CTNNA3: variants seen among roughly 807,000 people sequenced by gnomAD.
CTNNA3 encodes the protein catenin alpha 3.
Under a neutral mutation model 95.7 loss-of-function variants are expected in CTNNA3, and 76 were observed. That is an observed-to-expected ratio of 0.79 (90% CI 0.66 to 0.96). CTNNA3 has a LOEUF of 0.96. Among genes scored for constraint, CTNNA3 ranks in the 40% least tolerant of loss-of-function variants. The pLI is 0.00. For missense variants in CTNNA3, 1,191 were observed against 1,089.8 expected (o/e 1.09, Z -1.31); for synonymous variants, 431 against 374.4 (o/e 1.15, Z -1.74).
At chr10:66,968,783 A>C (rs1849569260) in intron 7 of CTNNA3, among the ~76,000 whole-genome samples, 1 of 152,018 alleles carries the variant, frequency 6.6e-6, no homozygotes, top group African/African-American at 2.4e-5. Flanking sequence ...TTGGGAGGCC[A>C]AGGTGGGCAG....
chr10:67,436,373 G>A (rs1249427562), intron 5 of CTNNA3, among the ~76,000 whole-genome samples: 1 of 152,088 alleles, frequency 6.6e-6, no homozygotes, highest in African/African-American at 2.4e-5. Flanking sequence ...TAAAATTCTA[G>A]AAGATAACAT....
chr10:66,432,597 C>A (rs973605645), intron 11 of CTNNA3, among the ~76,000 whole-genome samples: 1 of 149,642 alleles, frequency 6.7e-6, no homozygotes, highest in Non-Finnish European at 1.5e-5. Flanking sequence ...GGAGGTGGAG[C>A]TTGCAGTGAG....
chr10:66,534,483 T>C (rs944539254), intron 10 of CTNNA3, among the ~76,000 whole-genome samples: 45 of 13,122 alleles, frequency 3.4e-3, no homozygotes, highest in African/African-American at 9.6e-3. Flanking sequence ...TATATATATA[T>C]ATATATATAT....
intron 9 of CTNNA3, among the ~76,000 whole-genome samples, chr10:66,742,607 C>T (rs1271471745): frequency 6.6e-6 from 1 of 152,132 alleles, no homozygotes; most frequent in East Asian, 1.9e-4. Flanking sequence ...GATGTCTCCC[C>T]CGGACACCCA....
intron 13 of CTNNA3, among the ~76,000 whole-genome samples, chr10:66,211,167 A>G (rs1408299986): frequency 6.6e-6 from 1 of 152,194 alleles, no homozygotes; most frequent in African/African-American, 2.4e-5. Context: ...CAACACAGGA[A>G]AAGACAGCAG....
chr10:66,889,347 A>G (rs980593890), intron 7 of CTNNA3, among the ~76,000 whole-genome samples: 1 of 152,192 alleles, frequency 6.6e-6, no homozygotes, highest in South Asian at 2.1e-4. Flanking sequence ...GTACAACACC[A>G]GGAGTTACTA....
Position 67,740,694 on chromosome 10 carries a change from C to A in CTNNA3, c.-2+22740G>T, listed in dbSNP as rs549177047. Among the ~76,000 whole-genome samples, 172 of 151,418 alleles carry A rather than the reference C, an allele frequency of 1.1e-3. 1 individual carries two copies. Among genetic ancestry groups the A allele is most frequent in the African/African-American group, 3.9e-3 (160 of 41,422 alleles). ...GAGAGGATGTGGAGAAATAGGAACA[C>A]TTTTACACTGTTGGTGGGACTGTAA... On this transcript the variant is annotated intron_variant, in intron 1 of 17. Transcript: ENST00000684154.
chr10:66,224,883 A>AT (rs796181515), intron 13 of CTNNA3, among the ~76,000 whole-genome samples: 3 of 151,718 alleles, frequency 2.0e-5, no homozygotes, highest in Non-Finnish European at 4.4e-5. Flanking sequence ...GTCCAATCTC[A>AT]TTTTTTTCTT....
intron 13 of CTNNA3, among the ~76,000 whole-genome samples, chr10:66,198,775 C>G (rs995865546): frequency 1.3e-5 from 2 of 152,082 alleles, no homozygotes; most frequent in Non-Finnish European, 2.9e-5. Context: ...ATACAATGTA[C>G]TTTATGTAAT....
chr10:66,754,937 G>A (rs181606400), intron 9 of CTNNA3, among the ~76,000 whole-genome samples: 15 of 152,136 alleles, frequency 9.9e-5, no homozygotes, highest in African/African-American at 2.6e-4. Context: ...TCATATGACC[G>A]AAACCCAGAA....
intron 15 of CTNNA3, among the ~76,000 whole-genome samples, chr10:65,992,232 G>A (rs914099873): frequency 3.3e-5 from 5 of 151,940 alleles, no homozygotes; most frequent in Non-Finnish European, 5.9e-5. Flanking sequence ...TTCTTGTCTG[G>A]TTTTGGTATG....
intron 12 of CTNNA3, among the ~76,000 whole-genome samples, chr10:66,299,260 G>A (rs556853368): frequency 7.9e-5 from 12 of 152,278 alleles, no homozygotes; most frequent in African/African-American, 2.6e-4. Context: ...TGTCACAGGC[G>A]TGGGTCCTCG....
intron 10 of CTNNA3, among the ~76,000 whole-genome samples, chr10:66,524,514 A>AC (rs1554811313): frequency 5.3e-5 from 8 of 151,924 alleles, no homozygotes. Flanking sequence ...CTGGCTGGTG[A>AC]TGGTTATGAG....
intron 9 of CTNNA3, among the ~76,000 whole-genome samples, chr10:66,634,852 C>A (rs1845281627): frequency 6.6e-6 from 1 of 151,964 alleles, no homozygotes; most frequent in African/African-American, 2.4e-5. Context: ...ACAAAAGAAG[C>A]AATTGAGATG....
intron 13 of CTNNA3, among the ~76,000 whole-genome samples, chr10:66,260,385 C>T (rs1227235137): frequency 6.6e-6 from 1 of 152,036 alleles, no homozygotes; most frequent in Non-Finnish European, 1.5e-5. Flanking sequence ...ACCTGTTTTG[C>T]CAAGACCTAA....
intron 13 of CTNNA3, among the ~76,000 whole-genome samples, chr10:66,122,248 T>C (rs1337190243): frequency 2.6e-5 from 4 of 152,054 alleles, no homozygotes; most frequent in African/African-American, 4.8e-5. Flanking sequence ...TAGACACAGC[T>C]GAGAAGAGAA....
chr10:67,443,505 A>G (rs1265694508), intron 5 of CTNNA3, among the ~76,000 whole-genome samples: 1 of 151,790 alleles, frequency 6.6e-6, no homozygotes, highest in Non-Finnish European at 1.5e-5. Flanking sequence ...GTGTGAGATG[A>G]TATCTCATTG....
chr10:65,939,106 C>T (rs1484753698), intron 17 of CTNNA3, among the ~76,000 whole-genome samples: 1 of 151,966 alleles, frequency 6.6e-6, no homozygotes, highest in African/African-American at 2.4e-5. Flanking sequence ...GGGGTTTCAT[C>T]GTGTTAGCCA....
At chr10:66,435,106 CT>C (rs1213179801) in intron 11 of CTNNA3, among the ~76,000 whole-genome samples, 3 of 151,584 alleles carry the variant, frequency 2.0e-5, no homozygotes, top group South Asian at 2.1e-4. Context: ...CTGAAATTTT[CT>C]TTTTTTTGTT....
Sources: gnomAD v4.1 joint callset for allele counts (sites outside exome capture counted in the v4.1 genomes callset) on GRCh38, gnomAD v4.1.1 for gene constraint, MANE v1.5 for transcripts, NCBI Gene and HGNC (gene_info 2026-07-23, HGNC 2026-07-21) for gene names.